TMCO4: variants seen among roughly 807,000 people sequenced by gnomAD.
TMCO4 encodes the protein transmembrane and coiled-coil domains 4.
A neutral mutation model predicts 64.7 loss-of-function variants in TMCO4; 58 were observed. The observed-to-expected ratio is 0.90, with a 90% CI of 0.73 to 1.12. The LOEUF (loss-of-function observed/expected upper bound fraction) is 1.12. Ranked by LOEUF, TMCO4 falls within the 50% of genes most tolerant of loss-of-function variation. The probability of loss-of-function intolerance (pLI) is 0.00; values close to 1 mark genes in which losing one functional copy is unlikely to be tolerated. For synonymous variants in TMCO4, 325 were observed against 346.1 expected, an observed-to-expected ratio of 0.94 and a Z score of 0.68; for missense variants, 780 against 825.9, an observed-to-expected ratio of 0.94 and a Z score of 0.68.
At chr1:19,796,512 A>G (rs74058664) in intron 2 of TMCO4, among the ~76,000 whole-genome samples, 1 of 151,906 alleles carries the variant, frequency 6.6e-6, no homozygotes, top group African/African-American at 2.4e-5. Context: ...CGTTATTCAT[A>G]CCAGTGTAAG....
intron 10 of TMCO4, among the ~76,000 whole-genome samples, chr1:19,742,858 T>C (rs2095485958): frequency 6.6e-6 from 1 of 152,180 alleles, no homozygotes; most frequent in South Asian, 2.1e-4. Flanking sequence ...AAGACCATCC[T>C]GGCCAACATG....
Position 19,780,718 on chromosome 1 carries a change from T to C in TMCO4, c.41A>G (p.Gln14Arg), listed in dbSNP as rs1327741069. Residue 14 changes from glutamine to arginine, a missense_variant, in exon 4 of 16, where the codon CAG (glutamine) becomes CGG (arginine). By Grantham distance (43) the Gln-to-Arg change is conservative. Coordinates refer to ENST00000294543, the MANE Select transcript of TMCO4 (RefSeq NM_181719.7). The stretch of plus-strand genomic sequence containing the variant: ...TGCAGTGGGCTCAGCTACCAGAGGC[T>C]GCTGAGGCAGCCTCTGGCATGGCCT... ...WNRPCQRLPQ[Q>R]PLVAEPTAEG... The C allele has an allele frequency of 1.9e-6, 3 of 1,607,408 alleles. No individual in the cohort carries two copies. The highest frequency in any genetic ancestry group is 2.5e-6 in the Non-Finnish European group (3 of 1,178,468).
intron 6 of TMCO4, among the ~76,000 whole-genome samples, chr1:19,757,425 A>G (rs1320835718): frequency 6.7e-6 from 1 of 149,890 alleles, no homozygotes; most frequent in Non-Finnish European, 1.5e-5. Context: ...TTTTATGAAG[A>G]CCTTGTGATT....
At chr1:19,781,144 CAAAAAAAAAAA>C (rs535767635) in intron 3 of TMCO4, among the ~76,000 whole-genome samples, 1 of 52,604 alleles carries the variant, frequency 1.9e-5, no homozygotes, top group Non-Finnish European at 3.8e-5. Flanking sequence ...GACTCCATCT[CAAAAAAAAAAA>C]AAAAAAAAAA....
chr1:19,709,032 T>C (rs1044116805), intron 13 of TMCO4, among the ~76,000 whole-genome samples: 1 of 151,846 alleles, frequency 6.6e-6, no homozygotes, highest in South Asian at 2.1e-4. Flanking sequence ...GTGCACATGA[T>C]AGACACGTAG....
At chr1:19,728,904 A>T (rs2095419111) in intron 13 of TMCO4, among the ~76,000 whole-genome samples, 1 of 152,226 alleles carries the variant, frequency 6.6e-6, no homozygotes, top group Non-Finnish European at 1.5e-5. Flanking sequence ...GCCTTGGCTG[A>T]GATCTTAGCT....
chr1:19,731,290 A>G (rs1330539362), intron 13 of TMCO4, among the ~76,000 whole-genome samples: 2 of 152,174 alleles, frequency 1.3e-5, no homozygotes, highest in African/African-American at 4.8e-5. Context: ...GATTGCTATA[A>G]TATGACATGC....
intron 11 of TMCO4, 152 bp from the exon 12 acceptor site, chr1:19,740,112 C>T (rs920561211): frequency 8.7e-6 from 8 of 920,748 alleles, no homozygotes; most frequent in African/African-American, 5.1e-5. Flanking sequence ...CAAAGAAATC[C>T]GAAACTCATG....
At chr1:19,753,834 T>A (rs947686572) in intron 7 of TMCO4, among the ~76,000 whole-genome samples, 1 of 152,166 alleles carries the variant, frequency 6.6e-6, no homozygotes, top group Non-Finnish European at 1.5e-5. Context: ...AACAATTACA[T>A]GTGTGAAGCC....
chr1:19,717,423 G>C (rs1429632229), intron 13 of TMCO4, among the ~76,000 whole-genome samples: 1 of 152,138 alleles, frequency 6.6e-6, no homozygotes, highest in African/African-American at 2.4e-5. Flanking sequence ...ACATTTGCTG[G>C]CTGATAGATC....
chr1:19,746,312 A>G, intron 9 of TMCO4, 144 bp downstream of exon 9: 4 of 1,242,312 alleles, frequency 3.2e-6, no homozygotes, highest in Non-Finnish European at 4.5e-6. Flanking sequence ...AGCTCTGGGA[A>G]GGCTGGGACC....
At chr1:19,729,624 G>A (rs2100782100) in intron 13 of TMCO4, among the ~76,000 whole-genome samples, 1 of 152,004 alleles carries the variant, frequency 6.6e-6, no homozygotes, top group South Asian at 2.1e-4. Context: ...AAATTAGCTG[G>A]GTGTGGTGGT....
At chr1:19,771,805 C>T (rs867351274) in intron 4 of TMCO4, among the ~76,000 whole-genome samples, 22 of 152,126 alleles carry the variant, frequency 1.4e-4, no homozygotes, top group South Asian at 4.2e-4. Flanking sequence ...TATAGGTGCC[C>T]GCCACCACGC....
At chr1:19,718,353 A>AATAC (rs2095366295) in intron 13 of TMCO4, among the ~76,000 whole-genome samples, 2 of 151,034 alleles carry the variant, frequency 1.3e-5, no homozygotes, top group Non-Finnish European at 1.5e-5. Context: ...TAAATAAATA[A>AATAC]ATAATAAAAA....
intron 13 of TMCO4, 45 bp from the exon 14 acceptor site, chr1:19,700,930 T>C (rs10737480): frequency 5.6e-5 from 87 of 1,546,362 alleles, no homozygotes; most frequent in Admixed American, 8.4e-5. Flanking sequence ...CCTGGCCACA[T>C]TGGGTGCTGG....
At chr1:19,776,899 C>T (rs574437723) in intron 4 of TMCO4, among the ~76,000 whole-genome samples, 55 of 152,016 alleles carry the variant, frequency 3.6e-4, no homozygotes, top group African/African-American at 1.1e-3. Context: ...TGGTGGCGTG[C>T]GCCTGTAATC....
intron 13 of TMCO4, among the ~76,000 whole-genome samples, chr1:19,724,346 G>A (rs1179680528): frequency 6.6e-6 from 1 of 152,216 alleles, no homozygotes; most frequent in Non-Finnish European, 1.5e-5. Flanking sequence ...TGGTTGGACA[G>A]GCTGGAGTTG....
At chr1:19,741,823 G>A (rs753714952) in intron 10 of TMCO4, among the ~76,000 whole-genome samples, 12 of 148,304 alleles carry the variant, frequency 8.1e-5, no homozygotes, top group Middle Eastern at 3.2e-3. Flanking sequence ...TGCAACCTCC[G>A]CCTCCCAGGT....
Position 19,771,307 on chromosome 1 carries a change from C to T in TMCO4, c.354+1G>A, listed in dbSNP as rs1416054163. The T allele has an allele frequency of 6.2e-7, 1 of 1,613,400 alleles. No homozygotes were observed. Among genetic ancestry groups the T allele is most frequent in the Non-Finnish European group, 8.5e-7 (1 of 1,179,594 alleles). ...CAGCCACCACCAGGTGTTGGGTGTA[C>T]CTGAGTGATCACCGTCGGGTCGTCC... On this transcript the variant is annotated splice_donor_variant, in intron 5 of 15. Transcript: ENST00000294543. LOFTEE classifies it high-confidence loss of function.
Sources: allele counts gnomAD v4.1 joint callset (sites outside exome capture counted in the v4.1 genomes callset), GRCh38; gene constraint gnomAD v4.1.1; transcripts MANE v1.5; gene names NCBI Gene and HGNC (gene_info 2026-07-23, HGNC 2026-07-21).